PRKAR1B: variants seen among roughly 807,000 people sequenced by gnomAD.
PRKAR1B encodes protein kinase cAMP-dependent type I regulatory subunit beta.
A neutral mutation model predicts 46.5 loss-of-function variants in PRKAR1B; 22 were observed. The observed-to-expected ratio is 0.47, with a 90% CI of 0.34 to 0.68. The LOEUF (loss-of-function observed/expected upper bound fraction) is 0.68. PRKAR1B is among the 30% of genes least tolerant of loss of function. PRKAR1B has a pLI of 0.01. For synonymous variants in PRKAR1B, 259 were observed against 217.7 expected (o/e 1.19, Z -1.67); for missense variants, 445 against 535.6 (o/e 0.83, Z 1.67).
intron 4 of PRKAR1B, among the ~76,000 whole-genome samples, chr7:661,550 TC>T: frequency 4.7e-5 from 1 of 21,204 alleles, no homozygotes; most frequent in Non-Finnish European, 8.5e-5. Flanking sequence ...ATACCTACTC[TC>T]CCCCCCATGG....
chr7:583,604 A>ACCC (rs150160720), intron 8 of PRKAR1B, among the ~76,000 whole-genome samples: 2 of 104,386 alleles, frequency 1.9e-5, no homozygotes, highest in African/African-American at 7.4e-5. Context: ...GTGCACACAC[A>ACCC]CCCCCTCACA....
At chr7:690,555 C>T (rs1779355655) in intron 2 of PRKAR1B, among the ~76,000 whole-genome samples, 1 of 152,192 alleles carries the variant, frequency 6.6e-6, no homozygotes, top group South Asian at 2.1e-4. Context: ...ATTTCTTCAG[C>T]TTCGTGCATG....
intron 3 of PRKAR1B, among the ~76,000 whole-genome samples, chr7:678,833 C>T (rs1778493706): frequency 6.6e-6 from 1 of 152,238 alleles, no homozygotes; most frequent in African/African-American, 2.4e-5. Flanking sequence ...CACCTGTAAT[C>T]CCAGCACTTT....
intron 1 of PRKAR1B, among the ~76,000 whole-genome samples, chr7:725,540 C>T (rs1781230852): frequency 6.6e-6 from 1 of 152,192 alleles, no homozygotes; most frequent in Non-Finnish European, 1.5e-5. Flanking sequence ...TTCCAAGCTG[C>T]CTTGTTATTT....
chr7:662,376 A>G (rs1176978048), intron 4 of PRKAR1B, among the ~76,000 whole-genome samples: 1 of 127,120 alleles, frequency 7.9e-6, no homozygotes, highest in Non-Finnish European at 1.7e-5. Context: ...ACGGGTCCAA[A>G]TACCTACTCT....
intron 4 of PRKAR1B, among the ~76,000 whole-genome samples, chr7:668,408 G>A (rs1385359447): frequency 6.6e-6 from 1 of 152,170 alleles, no homozygotes; most frequent in Admixed American, 6.5e-5. Flanking sequence ...CTCTGGAACC[G>A]GTTTCCTGAG....
intron 2 of PRKAR1B, among the ~76,000 whole-genome samples, chr7:707,543 T>A (rs975743589): frequency 6.7e-6 from 1 of 149,826 alleles, no homozygotes; most frequent in African/African-American, 2.4e-5. Context: ...ATAGACATTC[T>A]GGAGTCCTAA....
chr7:559,162 G>T (rs1360767515), intron 9 of PRKAR1B, among the ~76,000 whole-genome samples: 2 of 152,220 alleles, frequency 1.3e-5, no homozygotes, highest in Non-Finnish European at 2.9e-5. Flanking sequence ...ACCAGGACTC[G>T]GCACCCAGAG....
rs533000489 is a variant in PRKAR1B, at chr7:668,160, G to A, written c.440+9069C>T. Among the ~76,000 whole-genome samples the A allele has an allele frequency of 7.9e-5, 12 of 152,280 alleles. No individual in the cohort carries two copies. The South Asian group carries it at 1.9e-3, about 24-fold the overall frequency. ...ATGCATCTGCAAAGGATTCTCTGCC[G>A]CACTCTTCCTAAGCGGGGAAGCAGA... On this transcript the variant is annotated intron_variant, in intron 4 of 10. Coordinates refer to ENST00000537384, the MANE Select transcript of PRKAR1B (RefSeq NM_001164760.2).
intron 2 of PRKAR1B, among the ~76,000 whole-genome samples, chr7:703,895 G>C (rs935998793): frequency 5.3e-5 from 8 of 151,846 alleles, no homozygotes; most frequent in African/African-American, 1.9e-4. Flanking sequence ...AATTAAACTA[G>C]AAATAAATAA....
chr7:719,231 G>A (rs188829793), intron 1 of PRKAR1B, among the ~76,000 whole-genome samples: 38 of 152,120 alleles, frequency 2.5e-4, no homozygotes, highest in Admixed American at 2.4e-3. Flanking sequence ...GTAGAGACGC[G>A]GTTTCACCCT....
intron 4 of PRKAR1B, among the ~76,000 whole-genome samples, chr7:659,441 C>T (rs62432176): frequency 1.1e-4 from 16 of 152,146 alleles, no homozygotes; most frequent in Non-Finnish European, 1.8e-4. Flanking sequence ...CCGAAGTGAC[C>T]ACGAAAGGGG....
At chr7:590,799 C>G (rs371582113) in intron 7 of PRKAR1B, among the ~76,000 whole-genome samples, 1 of 152,136 alleles carries the variant, frequency 6.6e-6, no homozygotes, top group African/African-American at 2.4e-5. Flanking sequence ...ACGGTGCAGA[C>G]GGCACTTCTC....
chr7:556,041 T>C (rs2128421540), intron 9 of PRKAR1B, among the ~76,000 whole-genome samples: 1 of 152,298 alleles, frequency 6.6e-6, no homozygotes, highest in African/African-American at 2.4e-5. Context: ...TGTCTCCCTC[T>C]TGCATATGCC....
intron 4 of PRKAR1B, among the ~76,000 whole-genome samples, chr7:615,641 T>G (rs28544368): frequency 1.3e-5 from 2 of 150,362 alleles, no homozygotes; most frequent in African/African-American, 4.9e-5. Flanking sequence ...ATCGAGACCA[T>G]TATGAAACCC....
At chr7:636,324 A>T (rs557358668) in intron 4 of PRKAR1B, among the ~76,000 whole-genome samples, 47 of 10,810 alleles carry the variant, frequency 4.3e-3, no homozygotes, top group East Asian at 8.1e-3. Context: ...GGCCGCGCCC[A>T]CACGTCCTCC....
intron 3 of PRKAR1B, among the ~76,000 whole-genome samples, 172 bp downstream of exon 3, chr7:680,384 C>T (rs1003417054): frequency 6.6e-6 from 1 of 152,158 alleles, no homozygotes; most frequent in African/African-American, 2.4e-5. Flanking sequence ...CAGTAGCAAA[C>T]CAAGCCCACC....
chr7:575,378 C>T (rs1779761713), intron 9 of PRKAR1B, among the ~76,000 whole-genome samples: 1 of 152,230 alleles, frequency 6.6e-6, no homozygotes, highest in Admixed American at 6.5e-5. Context: ...GTGGTGGAAG[C>T]TGTAAGGCTT....
intron 1 of PRKAR1B, among the ~76,000 whole-genome samples, chr7:719,508 G>T (rs1388758574): frequency 6.6e-6 from 1 of 152,178 alleles, no homozygotes; most frequent in African/African-American, 2.4e-5. Flanking sequence ...TAGCGACGAG[G>T]TGTCACTATT....
Sources: allele counts gnomAD v4.1 joint callset (sites outside exome capture counted in the v4.1 genomes callset), GRCh38; gene constraint gnomAD v4.1.1; transcripts MANE v1.5; gene names NCBI Gene and HGNC (gene_info 2026-07-23, HGNC 2026-07-21).